PRKCE: variants seen among roughly 807,000 people sequenced by gnomAD.
PRKCE encodes protein kinase C epsilon type.
Under a neutral mutation model 85.4 loss-of-function variants are expected in PRKCE, and 16 were observed. The observed-to-expected ratio is 0.19, with a 90% CI of 0.13 to 0.28. The LOEUF (loss-of-function observed/expected upper bound fraction) is 0.28, where lower values mean the gene tolerates loss of function less well. Ranked by LOEUF, PRKCE falls within the 10% of genes least tolerant of loss-of-function variation. The pLI, the probability that PRKCE is intolerant of heterozygous loss-of-function variation, is 1.00. For synonymous variants in PRKCE, 388 were observed against 371.5 expected (o/e 1.04, Z -0.51); for missense variants, 573 against 975.2 (o/e 0.59, Z 5.49).
chr2:45,847,611 C>T (rs1042417963), intron 2 of PRKCE, among the ~76,000 whole-genome samples: 1 of 152,100 alleles, frequency 6.6e-6, no homozygotes, highest in African/African-American at 2.4e-5. Flanking sequence ...AGATGATGTG[C>T]TCCAGGCCAA....
At chr2:45,947,121 C>T (rs531053516) in intron 2 of PRKCE, among the ~76,000 whole-genome samples, 7 of 152,250 alleles carry the variant, frequency 4.6e-5, no homozygotes, top group Non-Finnish European at 7.4e-5. Flanking sequence ...TCTGTGCAAT[C>T]GAATGTTATT....
chr2:45,966,230 T>A (rs185382719), intron 2 of PRKCE, among the ~76,000 whole-genome samples: 6 of 152,340 alleles, frequency 3.9e-5, no homozygotes, highest in African/African-American at 1.4e-4. Flanking sequence ...ACATATTGCA[T>A]GAATATGTAA....
At chr2:45,747,295 A>T (rs556489640) in intron 1 of PRKCE, among the ~76,000 whole-genome samples, 1 of 152,168 alleles carries the variant, frequency 6.6e-6, no homozygotes, top group South Asian at 2.1e-4. Flanking sequence ...ATTTTTGTAC[A>T]TGCACTCTCC....
chr2:46,141,921 C>A (rs528403085), intron 11 of PRKCE, among the ~76,000 whole-genome samples: 4 of 152,246 alleles, frequency 2.6e-5, no homozygotes, highest in Admixed American at 6.5e-5. Context: ...TTCTGCCCTG[C>A]CAGCAGGACC....
intron 12 of PRKCE, among the ~76,000 whole-genome samples, chr2:46,146,474 G>T (rs532657448): frequency 3.5e-4 from 54 of 152,226 alleles, no homozygotes; most frequent in Non-Finnish European, 6.6e-4. Context: ...TAATTAAGCA[G>T]AATAAATAGG....
intron 10 of PRKCE, among the ~76,000 whole-genome samples, chr2:46,042,222 A>G (rs1252283437): frequency 1.3e-5 from 2 of 152,220 alleles, no homozygotes; most frequent in African/African-American, 2.4e-5. Flanking sequence ...TGGCTGAGAC[A>G]GGGAGTAACA....
At chr2:45,707,183 A>G (rs1476887926) in intron 1 of PRKCE, among the ~76,000 whole-genome samples, 3 of 152,202 alleles carry the variant, frequency 2.0e-5, no homozygotes, top group East Asian at 1.9e-4. Context: ...TCACAGGCAG[A>G]TATTCCTCGG....
intron 1 of PRKCE, among the ~76,000 whole-genome samples, chr2:45,821,657 G>A (rs1454319160): frequency 2.6e-5 from 4 of 152,170 alleles, no homozygotes; most frequent in Non-Finnish European, 5.9e-5. Flanking sequence ...CAGGATGGTG[G>A]CCAGGGGAGC....
chr2:46,135,953 T>C (rs956735241), intron 11 of PRKCE, among the ~76,000 whole-genome samples: 10 of 151,432 alleles, frequency 6.6e-5, no homozygotes, highest in African/African-American at 2.4e-4. Context: ...TTCTCTCAAG[T>C]GTATTGTTAA....
At chr2:45,747,010 C>T (rs2104709021) in intron 1 of PRKCE, among the ~76,000 whole-genome samples, 1 of 152,318 alleles carries the variant, frequency 6.6e-6, no homozygotes, top group South Asian at 2.1e-4. Context: ...GAACTGATGA[C>T]ACGCTTCTCT....
intron 1 of PRKCE, among the ~76,000 whole-genome samples, chr2:45,755,136 G>A (rs1159385189): frequency 6.6e-6 from 1 of 152,154 alleles, no homozygotes; most frequent in Non-Finnish European, 1.5e-5. Flanking sequence ...GACCCAAGGG[G>A]GATGATTCTG....
chr2:45,824,861 C>A (rs926861759), intron 1 of PRKCE, among the ~76,000 whole-genome samples: 3 of 152,114 alleles, frequency 2.0e-5, no homozygotes, highest in African/African-American at 7.2e-5. Context: ...TCTCTTCTTT[C>A]TCTTCTCCCT....
intron 3 of PRKCE, chr2:45,977,995 G>A (rs1323636200): frequency 1.3e-5 from 2 of 152,186 alleles, no homozygotes; most frequent in Non-Finnish European, 2.9e-5. Flanking sequence ...TGGATTCCAG[G>A]TGTCCAGTAG....
At chr2:45,885,894 G>A (rs1345933728) in intron 2 of PRKCE, among the ~76,000 whole-genome samples, 2 of 152,182 alleles carry the variant, frequency 1.3e-5, no homozygotes, top group Admixed American at 6.5e-5. Context: ...AGGGAGCCTC[G>A]GAGAAATCCC....
At chr2:45,771,754 T>C in intron 1 of PRKCE, among the ~76,000 whole-genome samples, 1 of 149,908 alleles carries the variant, frequency 6.7e-6, no homozygotes, top group Non-Finnish European at 1.5e-5. Context: ...TGTTGGGGGC[T>C]GGCTAACACC....
At chr2:45,784,044 A>T (rs1227525394) in intron 1 of PRKCE, among the ~76,000 whole-genome samples, 1 of 152,268 alleles carries the variant, frequency 6.6e-6, no homozygotes, top group East Asian at 1.9e-4. Context: ...TGTATCCAAT[A>T]TCTTCTCTGG....
At chr2:45,968,117 C>T (rs562125092) in intron 2 of PRKCE, among the ~76,000 whole-genome samples, 7 of 152,294 alleles carry the variant, frequency 4.6e-5, no homozygotes, top group African/African-American at 1.4e-4. Context: ...GCTCCATATA[C>T]TCTGGAAGGC....
Position 45,678,271 on chromosome 2 carries a change from A to G in PRKCE, c.348+25823A>G, listed in dbSNP as rs929286377. On this transcript the variant is annotated intron_variant, in intron 1 of 14. Transcript: ENST00000306156. ...TTATATAATGTAAACTATTCTTACA[A>G]TGTCTTTTATTTAATTAAAAGAATC... 2.6e-5 allele frequency among the ~76,000 whole-genome samples: 4 copies of G among 152,340 alleles called. No homozygotes were observed. The East Asian group carries it at 5.8e-4, about 22-fold the overall frequency.
intron 2 of PRKCE, among the ~76,000 whole-genome samples, chr2:45,925,446 C>T (rs974258280): frequency 2.6e-5 from 4 of 152,088 alleles, no homozygotes; most frequent in Admixed American, 6.6e-5. Context: ...ACAGGCACCA[C>T]CACCACGCCC....
Sources: gnomAD v4.1 joint callset for allele counts (sites outside exome capture counted in the v4.1 genomes callset) on GRCh38, gnomAD v4.1.1 for gene constraint, MANE v1.5 for transcripts, NCBI Gene and HGNC (gene_info 2026-07-23, HGNC 2026-07-21) for gene names.